The following C3orf20 variants were observed in gnomAD, a reference collection of about 807,000 sequenced individuals.
C3orf20 encodes family with sequence similarity 149 member C.
In C3orf20, 76 loss-of-function variants were observed where a neutral mutation model predicts 88.3. The ratio of observed to expected loss-of-function variants is 0.86; its 90% CI spans 0.72 to 1.04. The LOEUF (loss-of-function observed/expected upper bound fraction) is 1.04. Among genes scored for constraint, C3orf20 ranks in the 50% least tolerant of loss-of-function variants. C3orf20 has a pLI of 0.00. For synonymous variants in C3orf20, 436 were observed against 437.4 expected (o/e 1.00, Z 0.04); for missense variants, 1,056 against 1,123.3 (o/e 0.94, Z 0.86).
intron 15 of C3orf20, among the ~76,000 whole-genome samples, chr3:14,764,755 G>A (rs924026897): frequency 2.0e-5 from 3 of 152,128 alleles, no homozygotes; most frequent in South Asian, 2.1e-4. Flanking sequence ...CAACATGGTG[G>A]CTGGGTTCCA....
intron 15 of C3orf20, among the ~76,000 whole-genome samples, chr3:14,770,640 C>T (rs968018490): frequency 7.2e-5 from 11 of 152,166 alleles, no homozygotes; most frequent in African/African-American, 2.7e-4. Context: ...CCCCTTTCTT[C>T]AGCACCAGAT....
At chr3:14,678,716 T>C (rs184877353) in intron 1 of C3orf20, among the ~76,000 whole-genome samples, 7 of 152,350 alleles carry the variant, frequency 4.6e-5, no homozygotes, top group Admixed American at 4.6e-4. Context: ...CTGACTTTAA[T>C]GCTACAGATA....
chr3:14,742,752 C>T (rs1425611300), intron 12 of C3orf20, among the ~76,000 whole-genome samples: 8 of 152,260 alleles, frequency 5.3e-5, no homozygotes, highest in African/African-American at 1.9e-4. Flanking sequence ...AGGGAGGCCT[C>T]AGAATCATGG....
intron 5 of C3orf20, among the ~76,000 whole-genome samples, chr3:14,702,542 G>A (rs2033317340): frequency 6.6e-6 from 1 of 151,540 alleles, no homozygotes; most frequent in African/African-American, 2.4e-5. Context: ...CCGGGTTCAG[G>A]AGATTCTACT....
chr3:14,689,427 A>G (rs764563717), intron 4 of C3orf20, among the ~76,000 whole-genome samples: 5 of 152,204 alleles, frequency 3.3e-5, no homozygotes, highest in African/African-American at 4.8e-5. Context: ...TGAAATGACT[A>G]TATTTGGGGG....
chr3:14,730,833 A>G lies in C3orf20; in HGVS notation c.1940+2145A>G, dbSNP rs184692800. Among the ~76,000 whole-genome samples, 4 of 152,318 alleles carry G rather than the reference A, an allele frequency of 2.6e-5. No individual in the cohort carries two copies. The East Asian group carries it at 7.7e-4, about 29-fold the overall frequency. On this transcript the variant is annotated intron_variant, in intron 12 of 16. Coordinates refer to ENST00000253697, the MANE Select transcript of C3orf20 (RefSeq NM_032137.5). ...TTGGTATGGTCAATCATTTTAATAC[A>G]GCCATTCTGTAATGATGAAATGTGT...
intron 4 of C3orf20, among the ~76,000 whole-genome samples, chr3:14,689,386 A>G (rs1197144812): frequency 6.6e-6 from 1 of 152,136 alleles, no homozygotes; most frequent in Admixed American, 6.5e-5. Context: ...ATCACCTAAA[A>G]TTTTCTAACA....
rs545133265 is a variant in C3orf20, at chr3:14,748,314, C to T, written c.1941-9057C>T. Among the ~76,000 whole-genome samples the T allele has an allele frequency of 4.6e-5, 7 of 152,066 alleles. No individual in the cohort carries two copies. In the East Asian group the frequency reaches 1.3e-3, roughly 29 times the overall value. On this transcript the variant is annotated intron_variant, in intron 12 of 16. Coordinates refer to ENST00000253697, the MANE Select transcript of C3orf20 (RefSeq NM_032137.5). ...AATTCTGTAAGGTTGGTAATAATGA[C>T]CCACTTTCATTTTTTATTTCAGTAA...
rs368087297 is a variant in C3orf20 at position 14,746,451 on chromosome 3, C to T, written c.1941-10920C>T. 2.4e-4 allele frequency among the ~76,000 whole-genome samples: 37 copies of T among 152,336 alleles called. No homozygotes were observed. The South Asian group carries it at 2.5e-3, about 10-fold the overall frequency. On this transcript the variant is annotated intron_variant, in intron 12 of 16. Coordinates refer to ENST00000253697, the MANE Select transcript of C3orf20 (RefSeq NM_032137.5). Reference sequence around the variant, plus strand: ...CCCTGAGTAGGCTCTTGTGCCCCAACTGTTTTTTCCCTGTGGTCTTGACTG... The same window carrying T: ...CCCTGAGTAGGCTCTTGTGCCCCAATTGTTTTTTCCCTGTGGTCTTGACTG...
At chr3:14,702,678 T>C (rs1418166211) in intron 5 of C3orf20, among the ~76,000 whole-genome samples, 1 of 152,066 alleles carries the variant, frequency 6.6e-6, no homozygotes, top group Non-Finnish European at 1.5e-5. Flanking sequence ...TGACCTCAGG[T>C]GATCTGCTTG....
intron 9 of C3orf20, among the ~76,000 whole-genome samples, chr3:14,718,005 T>C (rs1394278891): frequency 6.6e-6 from 1 of 152,182 alleles, no homozygotes; most frequent in Non-Finnish European, 1.5e-5. Flanking sequence ...AACTGATACA[T>C]CTAGGTGTGG....
At chr3:14,722,469 A>G (rs1353474552) in intron 10 of C3orf20, 2 of 456,598 alleles carry the variant, frequency 4.4e-6, no homozygotes, top group African/African-American at 4.0e-5. Context: ...TCCCTAAAGG[A>G]AAATCAAGGT....
chr3:14,772,131 A>G lies in C3orf20; in HGVS notation c.2560A>G (p.Ile854Val). ...ESVKKAESED[I>V]QGSSSSLALE... is the part of the protein sequence containing the mutation. ...AGTCAAGAAAGCCGAGTCAGAAGATATCCAAGGAAGCAGCTCCTCATTGGC... is the reference window on the plus strand; with the variant it reads ...AGTCAAGAAAGCCGAGTCAGAAGATGTCCAAGGAAGCAGCTCCTCATTGGC... Residue 854 changes from isoleucine (I) to valine (V), a missense_variant, in exon 16 of 17, where the codon ATC (isoleucine) becomes GTC (valine). Transcript: ENST00000253697. This position sits in a 1 kb window ranked among gnomAD's most constrained non-coding sequence, Gnocchi z 4.2. 1.2e-6 allele frequency: 2 copies of G among 1,614,246 alleles called. No individual in the cohort carries two copies. Among genetic ancestry groups the G allele is most frequent in the Non-Finnish European group, 1.7e-6 (2 of 1,180,042 alleles).
chr3:14,721,020 G>A (rs1253426749), intron 9 of C3orf20, among the ~76,000 whole-genome samples: 1 of 152,198 alleles, frequency 6.6e-6, no homozygotes, highest in East Asian at 1.9e-4. Flanking sequence ...CTCCAATCTA[G>A]TACTGCTTAA....
chr3:14,691,309 G>A (rs182598425), intron 5 of C3orf20, among the ~76,000 whole-genome samples: 1 of 152,284 alleles, frequency 6.6e-6, no homozygotes, highest in East Asian at 1.9e-4. Flanking sequence ...TTGCATGTGC[G>A]CCTGGCTTAG....
At chr3:14,756,070 GT>G (rs2035361271) in intron 12 of C3orf20, among the ~76,000 whole-genome samples, 1 of 149,932 alleles carries the variant, frequency 6.7e-6, no homozygotes, top group Non-Finnish European at 1.5e-5. Context: ...AGAAAAAAGA[GT>G]TTCTGTCCTG....
At chr3:14,681,563 A>T (rs2032092275) in intron 1 of C3orf20, among the ~76,000 whole-genome samples, 1 of 152,190 alleles carries the variant, frequency 6.6e-6, no homozygotes, top group African/African-American at 2.4e-5. Context: ...TCAGCATCTA[A>T]GTCTCCCTGG....
chr3:14,715,587 C>T (rs1295966624), intron 9 of C3orf20, among the ~76,000 whole-genome samples, 178 bp downstream of exon 9: 1 of 152,246 alleles, frequency 6.6e-6, no homozygotes, highest in African/African-American at 2.4e-5. Context: ...GATGGTGGTC[C>T]AGGTTGGCTG....
At position 14,721,694 on chromosome 3, in the gene C3orf20, C is replaced by T; in HGVS notation, c.1476C>T (p.Ser492=). The change falls in exon 10 of 17, where the codon TCC becomes TCT. Residue 492 remains serine, a synonymous_variant. Coordinates refer to ENST00000253697, the MANE Select transcript of C3orf20 (RefSeq NM_032137.5). The part of the protein sequence containing the change: ...EMKLKVLGQD[S]ITVTFTSLNE... The stretch of plus-strand genomic sequence containing the variant: ...AACTAAAGGTACTGGGACAGGACTC[C>T]ATCACAGTCACCTTCACCTCCCTGA... 6.2e-7 allele frequency: 1 copy of T among 1,614,156 alleles called. No individual in the cohort carries two copies. The highest frequency in any genetic ancestry group is 8.5e-7 in the Non-Finnish European group (1 of 1,180,024).
Sources: allele counts gnomAD v4.1 joint callset (sites outside exome capture counted in the v4.1 genomes callset), GRCh38; gene constraint gnomAD v4.1.1; non-coding constraint Gnocchi (gnomAD v3.1); transcripts MANE v1.5; gene names NCBI Gene and HGNC (gene_info 2026-07-23, HGNC 2026-07-21).